The following ELAPOR2 variants were observed in gnomAD, a reference collection of about 807,000 sequenced individuals.
ELAPOR2 encodes the protein endosome/lysosome-associated apoptosis and autophagy regulator family member 2.
ELAPOR2 carries 89 observed loss-of-function variants against 120.7 expected under a neutral mutation model. That is an observed-to-expected ratio of 0.74 (90% CI 0.62 to 0.88). ELAPOR2 has a LOEUF of 0.88. ELAPOR2 is among the 40% of genes least tolerant of loss of function. ELAPOR2 has a pLI of 0.00. For synonymous variants in ELAPOR2, 444 were observed against 444.9 expected (o/e 1.00, Z 0.03); for missense variants, 1,134 against 1,251.6 (o/e 0.91, Z 1.42).
chr7:86,951,441 A>G (rs1791241364), intron 2 of ELAPOR2, among the ~76,000 whole-genome samples: 2 of 152,242 alleles, frequency 1.3e-5, no homozygotes, highest in South Asian at 4.1e-4. Flanking sequence ...TCTAAATACA[A>G]TGATGCCATT....
intron 1 of ELAPOR2, among the ~76,000 whole-genome samples, chr7:87,043,235 G>C (rs1420201622): frequency 1.3e-5 from 2 of 151,618 alleles, no homozygotes; most frequent in Non-Finnish European, 2.9e-5. Context: ...AATAGAAAAA[G>C]AGGGAATCCT....
At chr7:86,941,675 T>C (rs1227582001) in intron 5 of ELAPOR2, among the ~76,000 whole-genome samples, 2 of 152,040 alleles carry the variant, frequency 1.3e-5, no homozygotes, top group African/African-American at 4.8e-5. Context: ...GAAACTCAAA[T>C]GTTTTGTATA....
At position 87,003,255 on chromosome 7, in the gene ELAPOR2, T is replaced by C. The variant is rs531722889; in HGVS notation, c.190-38231A>G. On this transcript the variant is annotated intron_variant, in intron 1 of 21. Coordinates refer to ENST00000450689, the MANE Select transcript of ELAPOR2 (RefSeq NM_001142749.3). The stretch of plus-strand genomic sequence containing the variant: ...TAAACCCACACTTTTCCCAAGGCCA[T>C]AATGTATATGGTACCAGCCAAGAAC... Among the ~76,000 whole-genome samples the C allele has an allele frequency of 9.9e-5, 15 of 152,266 alleles. No homozygotes were observed. The South Asian group carries it at 3.1e-3, about 32-fold the overall frequency.
chr7:87,046,891 C>A (rs1339860182), intron 1 of ELAPOR2, among the ~76,000 whole-genome samples: 1 of 152,106 alleles, frequency 6.6e-6, no homozygotes, highest in East Asian at 1.9e-4. Context: ...CTATCCTAAG[C>A]AGAAAGAACA....
chr7:86,979,729 C>T (rs1792400557), intron 1 of ELAPOR2, among the ~76,000 whole-genome samples: 1 of 152,138 alleles, frequency 6.6e-6, no homozygotes, highest in African/African-American at 2.4e-5. Context: ...TCAGGTCAAG[C>T]CAATGCGAGC....
In ELAPOR2 at chr7:86,879,833, G is replaced by A. The variant is rs950282144; in HGVS notation, c.*638C>T. On this transcript the variant is annotated 3_prime_UTR_variant, in exon 22 of 22. Coordinates refer to ENST00000450689, the MANE Select transcript of ELAPOR2 (RefSeq NM_001142749.3). Reference sequence around the variant, plus strand: ...TCAAGCCCTTCTTACCAGCTCCAACGAGGATGGAATTTCAAAGGCAATTAT... The same window carrying A: ...TCAAGCCCTTCTTACCAGCTCCAACAAGGATGGAATTTCAAAGGCAATTAT... 34 of 152,042 alleles carry A rather than the reference G, an allele frequency of 2.2e-4. No individual in the cohort carries two copies. The highest frequency in any genetic ancestry group is 7.7e-4 in the African/African-American group (32 of 41,412). 9.4% of individuals were successfully genotyped at this position (152,042 alleles called of 1,614,324 possible). A position where few individuals can be genotyped will look rare whatever the true frequency, so the allele number is the denominator to read the frequency against.
At chr7:86,940,724 A>C (rs1040698855) in intron 5 of ELAPOR2, among the ~76,000 whole-genome samples, 1 of 152,060 alleles carries the variant, frequency 6.6e-6, no homozygotes, top group African/African-American at 2.4e-5. Flanking sequence ...TTTCATGTTC[A>C]TACAGGTAAG....
chr7:86,991,769 C>T (rs948713351), intron 1 of ELAPOR2, among the ~76,000 whole-genome samples: 1 of 152,162 alleles, frequency 6.6e-6, no homozygotes, highest in Non-Finnish European at 1.5e-5. Context: ...CCTCAGCATC[C>T]AAGGTGGCTG....
chr7:86,950,448 C>A (rs1375917031), intron 2 of ELAPOR2, among the ~76,000 whole-genome samples: 1 of 152,222 alleles, frequency 6.6e-6, no homozygotes, highest in African/African-American at 2.4e-5. Flanking sequence ...GTAACAGCCT[C>A]TTTGGGGCTC....
At chr7:86,963,326 T>C (rs1472107452) in intron 2 of ELAPOR2, among the ~76,000 whole-genome samples, 1 of 152,198 alleles carries the variant, frequency 6.6e-6, no homozygotes, top group African/African-American at 2.4e-5. Context: ...CCGATTCCTA[T>C]GCAGGCATCA....
chr7:86,910,131 G>T, intron 15 of ELAPOR2, 130 bp from the exon 16 acceptor site: 1 of 671,728 alleles, frequency 1.5e-6, no homozygotes, highest in South Asian at 2.2e-5. Context: ...TAGTTGATCT[G>T]GTATGAGGCC....
At chr7:86,996,299 T>C (rs552212456) in intron 1 of ELAPOR2, among the ~76,000 whole-genome samples, 1 of 151,664 alleles carries the variant, frequency 6.6e-6, no homozygotes, top group Admixed American at 6.6e-5. Flanking sequence ...CCAGCCATGG[T>C]TGGGGAGGAG....
intron 5 of ELAPOR2, among the ~76,000 whole-genome samples, chr7:86,941,708 C>A: frequency 6.6e-6 from 1 of 151,848 alleles, no homozygotes; most frequent in East Asian, 1.9e-4. Flanking sequence ...AGCCTTCTTT[C>A]TCATGGATGC....
At chr7:86,960,511 A>G (rs1419214766) in intron 2 of ELAPOR2, among the ~76,000 whole-genome samples, 5 of 152,160 alleles carry the variant, frequency 3.3e-5, no homozygotes, top group Non-Finnish European at 5.9e-5. Context: ...TCGGCCTCCC[A>G]AAGTGCTGGG....
rs1360160521 is a variant in ELAPOR2, at chr7:86,879,106, C to T, written c.*1365G>A. 6.6e-6 allele frequency: 1 copy of T among 152,084 alleles called. No homozygotes were observed. Among genetic ancestry groups the T allele is most frequent in the Non-Finnish European group, 1.5e-5 (1 of 68,002 alleles). 9.4% of individuals were successfully genotyped at this position (152,084 alleles called of 1,614,324 possible). A position where few individuals can be genotyped will look rare whatever the true frequency, so the allele number is the denominator to read the frequency against. ...AATCACAACTATTTTTTTAAATCTG[C>T]ATTAAGGTCTATAAAGATTACTGTT... On this transcript the variant is annotated 3_prime_UTR_variant, in exon 22 of 22. Transcript: ENST00000450689.
chr7:86,926,080 T>G (rs1246721735), intron 9 of ELAPOR2, among the ~76,000 whole-genome samples: 1 of 152,060 alleles, frequency 6.6e-6, no homozygotes, highest in Non-Finnish European at 1.5e-5. Context: ...TTATTCAACT[T>G]AACAGAATAT....
At chr7:86,953,961 G>C (rs1791370758) in intron 2 of ELAPOR2, among the ~76,000 whole-genome samples, 1 of 152,170 alleles carries the variant, frequency 6.6e-6, no homozygotes, top group Non-Finnish European at 1.5e-5. Flanking sequence ...CTTTTTATCA[G>C]CCTTATGCCT....
At chr7:86,904,791 C>T (rs1338861186) in intron 18 of ELAPOR2, among the ~76,000 whole-genome samples, 1 of 152,148 alleles carries the variant, frequency 6.6e-6, no homozygotes, top group African/African-American at 2.4e-5. Context: ...GACATTTTCC[C>T]AGGACACCAA....
Position 86,926,887 on chromosome 7 carries a change from G to T in ELAPOR2, c.1119C>A (p.Pro373=). 1 of 1,578,546 alleles carries T rather than the reference G, an allele frequency of 6.3e-7. No individual in the cohort carries two copies. Residue 373 remains proline, a synonymous_variant, in exon 9 of 22, where the codon CCC becomes CCA. Transcript: ENST00000450689. Reference sequence around the variant, plus strand: ...CTGTGAGATCCTCCCGGCAGATTTTGGGCTCTATCCACTTGTACATTATCT... The same window carrying T: ...CTGTGAGATCCTCCCGGCAGATTTTTGGCTCTATCCACTTGTACATTATCT... ...KTQIMYKWIE[P]KICREDLTDA...
Sources: allele counts gnomAD v4.1 joint callset (sites outside exome capture counted in the v4.1 genomes callset), GRCh38; gene constraint gnomAD v4.1.1; transcripts MANE v1.5; gene names NCBI Gene and HGNC (gene_info 2026-07-23, HGNC 2026-07-21).